Variants in RIN3 observed in about 807,000 individuals in gnomAD.
RIN3 encodes RAB5 interacting protein 3.
RIN3 carries 54 observed loss-of-function variants against 76.3 expected under a neutral mutation model. That is an observed-to-expected ratio of 0.71 (90% CI 0.57 to 0.89). The LOEUF is 0.89. Among genes scored for constraint, RIN3 ranks in the 40% least tolerant of loss-of-function variants. The pLI, the probability that RIN3 is intolerant of heterozygous loss-of-function variation, is 0.00. For synonymous variants in RIN3, 576 were observed against 564.0 expected (o/e 1.02, Z -0.30); for missense variants, 1,256 against 1,322.1 (o/e 0.95, Z 0.78).
chr14:92,521,364 T>C (rs959345481), intron 1 of RIN3, among the ~76,000 whole-genome samples: 2 of 152,110 alleles, frequency 1.3e-5, no homozygotes, highest in African/African-American at 2.4e-5. Flanking sequence ...CTAAGGAAAA[T>C]GATTTGATTT....
rs1431433023 is a variant in RIN3 at position 92,565,271 on chromosome 14, GC to G, written c.249+9317del. Among the ~76,000 whole-genome samples the G allele has an allele frequency of 9.8e-5, 15 of 152,290 alleles. No individual in the cohort carries two copies. In the East Asian group the frequency reaches 2.1e-3, roughly 22 times the overall value. On this transcript the variant is annotated intron_variant, in intron 2 of 9. Transcript: ENST00000216487. ...AACACTGACATCAGGAATGCTAGGA[GC>G]TTTGTGACATTCGTTCTCAGGGCCA... is the stretch of plus-strand genomic sequence containing the variant.
At chr14:92,548,159 T>A (rs1184803419) in intron 1 of RIN3, among the ~76,000 whole-genome samples, 2 of 152,246 alleles carry the variant, frequency 1.3e-5, no homozygotes, top group Admixed American at 6.5e-5. Context: ...TGTGTGTTTG[T>A]GTGTATTCCC....
In RIN3 at chr14:92,664,107, C is replaced by G. The variant is rs1887985536; in HGVS notation, c.2335+4638C>G. Among the ~76,000 whole-genome samples, 7 of 152,160 alleles carry G rather than the reference C, an allele frequency of 4.6e-5. No individual in the cohort carries two copies. In the South Asian group the frequency reaches 1.4e-3, roughly 31 times the overall value. ...TTCAAGATGGATTCCCCAAGGCACC[C>G]CAGGGGCCACCAAAGGGTCAAAAGA... On this transcript the variant is annotated intron_variant, in intron 7 of 9. Transcript: ENST00000216487.
chr14:92,546,543 C>T (rs1383667342), intron 1 of RIN3, among the ~76,000 whole-genome samples: 1 of 152,218 alleles, frequency 6.6e-6, no homozygotes, highest in Non-Finnish European at 1.5e-5. Flanking sequence ...TGGCTTTCCC[C>T]ATTTTCTCCA....
chr14:92,658,213 G>A (rs1285367633), intron 6 of RIN3, among the ~76,000 whole-genome samples: 1 of 152,206 alleles, frequency 6.6e-6, no homozygotes, highest in Non-Finnish European at 1.5e-5. Flanking sequence ...AGATCAGAGC[G>A]CCAACTCCTG....
chr14:92,526,218 G>A (rs1896726500), intron 1 of RIN3, among the ~76,000 whole-genome samples: 1 of 152,204 alleles, frequency 6.6e-6, no homozygotes, highest in Admixed American at 6.5e-5. Flanking sequence ...CACTTTGGGA[G>A]GCCGAGGCAG....
intron 1 of RIN3, among the ~76,000 whole-genome samples, chr14:92,555,493 C>T (rs1298736995): frequency 6.6e-6 from 1 of 152,194 alleles, no homozygotes; most frequent in Non-Finnish European, 1.5e-5. Context: ...CATCCCAACA[C>T]ACACAGGCTG....
Position 92,571,919 on chromosome 14 carries a change from G to A in RIN3, c.250-5441G>A, listed in dbSNP as rs140932391. Among the ~76,000 whole-genome samples the A allele has an allele frequency of 4.1e-3, 628 of 152,310 alleles. 5 individuals carry two copies. The highest frequency in any genetic ancestry group is 7.8e-3 in the Non-Finnish European group (532 of 68,024). ...CAGGGGGAGTCCAGATGGGTCTGCA[G>A]CATCCTCAGTTCTTGCCTCCTCAGA... On this transcript the variant is annotated intron_variant, in intron 2 of 9. Transcript: ENST00000216487.
intron 4 of RIN3, among the ~76,000 whole-genome samples, chr14:92,624,578 G>A (rs1174116943): frequency 6.6e-6 from 1 of 152,166 alleles, no homozygotes; most frequent in Admixed American, 6.5e-5. Context: ...GCTAAACAAG[G>A]TAGAAGCATC....
At position 92,577,401 on chromosome 14, in the gene RIN3, GCT is replaced by G. The variant is rs750375472; in HGVS notation, c.294_295del (p.Val100ProfsTer18). On this transcript the variant is annotated frameshift_variant, in exon 3 of 10. Transcript: ENST00000216487. LOFTEE classifies it high-confidence loss of function. ...RRDSSSKQLV[L>X]CVHFPSLNES... ...GGGACAGCAGCTCGAAGCAGCTGGT[GCT>G]CTGTGTCCACTTTCCTTCTCTGAAC... 6.2e-7 allele frequency: 1 copy of G among 1,613,838 alleles called. No homozygotes were observed. The highest frequency in any genetic ancestry group is 8.5e-7 in the Non-Finnish European group (1 of 1,179,854).
At chr14:92,539,572 C>G (rs958881203) in intron 1 of RIN3, among the ~76,000 whole-genome samples, 1 of 152,114 alleles carries the variant, frequency 6.6e-6, no homozygotes, top group Admixed American at 6.6e-5. Flanking sequence ...GCATGCAGTA[C>G]CGGGGACAGG....
intron 4 of RIN3, among the ~76,000 whole-genome samples, chr14:92,633,872 TG>T: frequency 6.6e-6 from 1 of 151,732 alleles, no homozygotes; most frequent in Non-Finnish European, 1.5e-5. Flanking sequence ...TGTGTGTGTG[TG>T]TGTGTGTTTG....
chr14:92,583,101 A>G (rs1235648144), intron 3 of RIN3, among the ~76,000 whole-genome samples: 2 of 152,150 alleles, frequency 1.3e-5, no homozygotes, highest in African/African-American at 4.8e-5. Flanking sequence ...TCGTGTGTCT[A>G]CACTGCTTAG....
chr14:92,595,778 G>A (rs895776870), intron 3 of RIN3, among the ~76,000 whole-genome samples: 11 of 152,148 alleles, frequency 7.2e-5, no homozygotes, highest in South Asian at 2.1e-4. Flanking sequence ...GACAGAAGGC[G>A]CCGTTCTTCT....
chr14:92,600,939 C>T (rs780649578), intron 3 of RIN3, among the ~76,000 whole-genome samples: 15 of 152,176 alleles, frequency 9.9e-5, no homozygotes, highest in Non-Finnish European at 1.3e-4. Flanking sequence ...GATCAGTTTG[C>T]TCCTGGTTGA....
At chr14:92,575,476 C>T (rs375356188) in intron 2 of RIN3, among the ~76,000 whole-genome samples, 3 of 152,086 alleles carry the variant, frequency 2.0e-5, no homozygotes, top group Non-Finnish European at 2.9e-5. Context: ...TACTCATGCT[C>T]GACTGATTAT....
At position 92,568,637 on chromosome 14, in the gene RIN3, A is replaced by T. The variant is rs1897978125; in HGVS notation, c.250-8723A>T. Among the ~76,000 whole-genome samples the T allele has an allele frequency of 6.6e-6, 1 of 152,170 alleles. No individual in the cohort carries two copies. The highest frequency in any genetic ancestry group is 1.5e-5 in the Non-Finnish European group (1 of 68,020). On this transcript the variant is annotated intron_variant, in intron 2 of 9. Coordinates refer to ENST00000216487, the MANE Select transcript of RIN3 (RefSeq NM_024832.5). This position sits in a 1 kb window ranked among gnomAD's most constrained non-coding sequence, Gnocchi z 4.2. ...GTCAGTGTCACCCTCACCCATGGCC[A>T]CCTGGGCAGGAAACGTCAGAGGACT...
chr14:92,566,167 A>G (rs757675209), intron 2 of RIN3, among the ~76,000 whole-genome samples: 4 of 152,148 alleles, frequency 2.6e-5, no homozygotes, highest in Non-Finnish European at 5.9e-5. Context: ...TCTAGTGGGA[A>G]GTCTGGAAGT....
rs548932033 is a variant in RIN3 at position 92,547,822 on chromosome 14, G to T, written c.45-7929G>T. Among the ~76,000 whole-genome samples, 35 of 152,254 alleles carry T rather than the reference G, an allele frequency of 2.3e-4. No homozygotes were observed. The Middle Eastern group carries it at 0.01, about 44-fold the overall frequency. Reference sequence around the variant, plus strand: ...TGGTTCAAGCGTTTCTCCTGCCTCAGCCTTCCAAGTAGCTGGGATTACAGG... The same window carrying T: ...TGGTTCAAGCGTTTCTCCTGCCTCATCCTTCCAAGTAGCTGGGATTACAGG... On this transcript the variant is annotated intron_variant, in intron 1 of 9. Coordinates refer to ENST00000216487, the MANE Select transcript of RIN3 (RefSeq NM_024832.5).
Sources: gnomAD v4.1 joint callset for allele counts (sites outside exome capture counted in the v4.1 genomes callset) on GRCh38, gnomAD v4.1.1 for gene constraint, Gnocchi (gnomAD v3.1) non-coding constraint, MANE v1.5 for transcripts, NCBI Gene and HGNC (gene_info 2026-07-23, HGNC 2026-07-21) for gene names.